ZDHHC11B: variants seen among roughly 807,000 people sequenced by gnomAD.
ZDHHC11B encodes the protein zDHHC palmitoyltransferase 11B (putative).
Under a neutral mutation model 42.3 loss-of-function variants are expected in ZDHHC11B, and 17 were observed. That is an observed-to-expected ratio of 0.40 (90% CI 0.27 to 0.60). The LOEUF (loss-of-function observed/expected upper bound fraction) is 0.60, where lower values mean the gene tolerates loss of function less well. Among genes scored for constraint, ZDHHC11B ranks in the 20% least tolerant of loss-of-function variants. The pLI is 0.41. For synonymous variants in ZDHHC11B, 123 were observed against 193.5 expected (o/e 0.64, Z 3.02); for missense variants, 262 against 463.2 (o/e 0.57, Z 3.99).
Position 710,646 on chromosome 5 carries a change from C to T in ZDHHC11B, c.*1644G>A, listed in dbSNP as rs561388053. 5.3e-4 allele frequency: 81 copies of T among 153,482 alleles called. 2 individuals are homozygous for T. Among genetic ancestry groups the T allele is most frequent in the African/African-American group, 1.0e-3 (41 of 40,762 alleles). The allele number at this position is 153,482 out of a possible 1,614,324, so 9.5% of individuals were successfully genotyped here. A position where few individuals can be genotyped will look rare whatever the true frequency, so the allele number is the denominator to read the frequency against. ...GCTCCCATTTCCCAGTACTGTGCTCCCATTTCTCAGTACTGTGCTCCCATT... is the reference window on the plus strand; with the variant it reads ...GCTCCCATTTCCCAGTACTGTGCTCTCATTTCTCAGTACTGTGCTCCCATT... On this transcript the variant is annotated 3_prime_UTR_variant, in exon 14 of 14. Coordinates refer to ENST00000508859, the MANE Select transcript of ZDHHC11B (RefSeq NM_001351303.2).
rs541894586 is a variant in ZDHHC11B at position 767,268 on chromosome 5, C to A, written c.-1+124G>T. ...ACTGAAAGCAACGGGAAGACCTGAG[C>A]TGCCATCTGGACGGCTGCGGGATGG... is the stretch of plus-strand genomic sequence containing the variant. On this transcript the variant is annotated intron_variant, in intron 3 of 13. Coordinates refer to ENST00000508859, the MANE Select transcript of ZDHHC11B (RefSeq NM_001351303.2). The A allele has an allele frequency of 7.3e-5, 85 of 1,160,528 alleles. 1 individual carries two copies. The Admixed American group carries it at 1.8e-3, about 24-fold the overall frequency. The allele number at this position is 1,160,528 out of a possible 1,614,324, so 71.9% of individuals were successfully genotyped here. A position where few individuals can be genotyped will look rare whatever the true frequency, so the allele number is the denominator to read the frequency against.
rs540259584 is a variant in ZDHHC11B, at chr5:777,999, G to T, written c.-230+6669C>A. 1.3e-4 allele frequency among the ~76,000 whole-genome samples: 20 copies of T among 152,044 alleles called. 1 individual carries two copies. The South Asian group carries it at 4.2e-3, about 32-fold the overall frequency. ...GGCGGCTGAGGCCCCGCGAGAATTTGAGCATGGCGCAGGCGGGCTGGCAGT... is the reference window on the plus strand; with the variant it reads ...GGCGGCTGAGGCCCCGCGAGAATTTTAGCATGGCGCAGGCGGGCTGGCAGT... On this transcript the variant is annotated intron_variant, in intron 1 of 13. Transcript: ENST00000508859.
intron 9 of ZDHHC11B, among the ~76,000 whole-genome samples, chr5:742,162 T>C (rs1195220353): frequency 7.6e-6 from 1 of 131,508 alleles, no homozygotes; most frequent in African/African-American, 2.8e-5. Context: ...TATGTATGTA[T>C]GTATTTTTAT....
Position 711,499 on chromosome 5 carries a change from C to G in ZDHHC11B, c.*791G>C, listed in dbSNP as rs1171889588. On this transcript the variant is annotated 3_prime_UTR_variant, in exon 14 of 14. Transcript: ENST00000508859. ...CCCAGTGCCATGTGCTTCCATTTCC[C>G]AGTACTGTGCTCATATTTCCCAGTA... 2 of 150,950 alleles carry G rather than the reference C, an allele frequency of 1.3e-5. No homozygotes were observed. The highest frequency in any genetic ancestry group is 2.9e-5 in the Non-Finnish European group (2 of 68,960). The allele number at this position is 150,950 out of a possible 1,614,324, so 9.4% of individuals were successfully genotyped here.
Position 777,819 on chromosome 5 carries a change from C to T in ZDHHC11B, c.-230+6849G>A, listed in dbSNP as rs918885912. Among the ~76,000 whole-genome samples, 4 of 151,994 alleles carry T rather than the reference C, an allele frequency of 2.6e-5. 1 individual carries two copies. The highest frequency in any genetic ancestry group is 4.8e-5 in the African/African-American group (2 of 41,386). ...GGAGCTGCCCGCCAGTACTGCGCCA[C>T]GCGCCCGCACTCCTCAGCCCTTGGG... is the stretch of plus-strand genomic sequence containing the variant. On this transcript the variant is annotated intron_variant, in intron 1 of 13. Coordinates refer to ENST00000508859, the MANE Select transcript of ZDHHC11B (RefSeq NM_001351303.2).
In ZDHHC11B at chr5:711,423, C is replaced by T. The variant is rs374086337; in HGVS notation, c.*867G>A. ...TGCTCCCATTTCCCAGTGCTGTGCT[C>T]CCAATTCCCAGTACTGTGCTCCCAT... is the stretch of plus-strand genomic sequence containing the variant. On this transcript the variant is annotated 3_prime_UTR_variant, in exon 14 of 14. Coordinates refer to ENST00000508859, the MANE Select transcript of ZDHHC11B (RefSeq NM_001351303.2). 1.9e-5 allele frequency: 3 copies of T among 157,240 alleles called. No homozygotes were observed. The highest frequency in any genetic ancestry group is 4.8e-5 in the African/African-American group (2 of 41,456). 9.7% of individuals were successfully genotyped at this position (157,240 alleles called of 1,614,324 possible).
In ZDHHC11B at chr5:742,834, G is replaced by A. The variant is rs868304968; in HGVS notation, c.901-1206C>T. Among the ~76,000 whole-genome samples, 121 of 148,768 alleles carry A rather than the reference G, an allele frequency of 8.1e-4. 8 individuals carry two copies. Among genetic ancestry groups the A allele is most frequent in the Non-Finnish European group, 9.9e-4 (67 of 67,348 alleles). Reference sequence around the variant, plus strand: ...TTGAAGAGCAAATATTTTCAATTTTGGTAAAGTCCAAACTATGATTTTTTT... The same window carrying A: ...TTGAAGAGCAAATATTTTCAATTTTAGTAAAGTCCAAACTATGATTTTTTT... On this transcript the variant is annotated intron_variant, in intron 9 of 13. Transcript: ENST00000508859.
intron 12 of ZDHHC11B, among the ~76,000 whole-genome samples, chr5:723,397 G>A (rs2126974954): frequency 7.8e-6 from 1 of 128,896 alleles, no homozygotes; most frequent in Admixed American, 7.8e-5. Context: ...GTGAGGAATA[G>A]GGGCTCAGAG....
At chr5:773,391 T>C (rs910661471) in intron 1 of ZDHHC11B, among the ~76,000 whole-genome samples, 2 of 151,836 alleles carry the variant, frequency 1.3e-5, no homozygotes, top group Non-Finnish European at 2.9e-5. Context: ...CAGAAGAGAC[T>C]CCAGGAAGAC....
In ZDHHC11B at chr5:719,479, T is replaced by C. The variant is rs202126605; in HGVS notation, c.1059-2614A>G. On this transcript the variant is annotated intron_variant, in intron 12 of 13. Transcript: ENST00000508859. Reference sequence around the variant, plus strand: ...AGATTAGTAGTAGAGATAGAAATTATATATTTTTTAAAAACCAAAAAGAAA... The same window carrying C: ...AGATTAGTAGTAGAGATAGAAATTACATATTTTTTAAAAACCAAAAAGAAA... Among the ~76,000 whole-genome samples the C allele has an allele frequency of 7.9e-5, 12 of 151,586 alleles. No homozygotes were observed. In the East Asian group the frequency reaches 1.9e-3, roughly 24 times the overall value.
At chr5:780,335 G>A (rs1313114829) in intron 1 of ZDHHC11B, among the ~76,000 whole-genome samples, 6 of 150,506 alleles carry the variant, frequency 4.0e-5, no homozygotes, top group Admixed American at 1.3e-4. Context: ...GGGGAACCGC[G>A]TGGACATGCA....
intron 11 of ZDHHC11B, among the ~76,000 whole-genome samples, chr5:733,079 C>A (rs963142090): frequency 6.6e-6 from 1 of 151,454 alleles, no homozygotes; most frequent in Non-Finnish European, 1.5e-5. Context: ...AATGACCCAG[C>A]AGAAACCACT....
chr5:712,465 G>A (rs1453199090), intron 13 of ZDHHC11B, among the ~76,000 whole-genome samples, 183 bp from the exon 14 acceptor site: 4 of 141,296 alleles, frequency 2.8e-5, no homozygotes, highest in African/African-American at 1.1e-4. Flanking sequence ...GGTCTAGTGA[G>A]AGTCCTCCCG....
intron 6 of ZDHHC11B, among the ~76,000 whole-genome samples, chr5:754,181 T>G (rs590302): frequency 9.8e-5 from 6 of 60,968 alleles, no homozygotes; most frequent in South Asian, 1.5e-3. Flanking sequence ...AGGGGAAACA[T>G]CTCTCGTCTA....
intron 1 of ZDHHC11B, among the ~76,000 whole-genome samples, chr5:771,777 G>A (rs1467060251): frequency 8.0e-5 from 12 of 150,070 alleles, no homozygotes; most frequent in African/African-American, 2.7e-4. Flanking sequence ...AGAACCTTCT[G>A]GGATGCTTCA....
At chr5:732,528 A>AT (rs1442018068) in intron 11 of ZDHHC11B, 1 of 383,176 alleles carries the variant, frequency 2.6e-6, no homozygotes, top group African/African-American at 2.1e-5. Context: ...GTGTCTCCAA[A>AT]TCTTTGCTGG....
chr5:764,582 C>G lies in ZDHHC11B; in HGVS notation c.222+2116G>C, dbSNP rs1256144858. On this transcript the variant is annotated intron_variant, in intron 4 of 13. Coordinates refer to ENST00000508859, the MANE Select transcript of ZDHHC11B (RefSeq NM_001351303.2). ...TAGCTGTGCTCAATTCTCACTGGGC[C>G]TCAGCTGCCTCCCTGCGGGGCAGGG... Among the ~76,000 whole-genome samples the G allele has an allele frequency of 2.0e-5, 3 of 151,944 alleles. No homozygotes were observed. In the East Asian group the frequency reaches 5.8e-4, roughly 29 times the overall value.
At chr5:716,234 T>G (rs1293819785) in intron 13 of ZDHHC11B, among the ~76,000 whole-genome samples, 5 of 151,282 alleles carry the variant, frequency 3.3e-5, no homozygotes, top group Non-Finnish European at 7.4e-5. Flanking sequence ...CTACCTATTC[T>G]GATGGCAGAG....
intron 1 of ZDHHC11B, among the ~76,000 whole-genome samples, chr5:778,224 A>G (rs1376806231): frequency 6.6e-6 from 1 of 151,740 alleles, no homozygotes; most frequent in Admixed American, 6.6e-5. Flanking sequence ...GACACAGGAC[A>G]TTCCACCAAC....
Sources: gnomAD v4.1 joint callset for allele counts (sites outside exome capture counted in the v4.1 genomes callset) on GRCh38, gnomAD v4.1.1 for gene constraint, MANE v1.5 for transcripts, NCBI Gene and HGNC (gene_info 2026-07-23, HGNC 2026-07-21) for gene names.